ROBO1: variants seen among roughly 807,000 people sequenced by gnomAD.
ROBO1 encodes the protein roundabout guidance receptor 1, also known as roundabout homolog 1.
ROBO1 carries 149 observed loss-of-function variants against 195.9 expected under a neutral mutation model. The ratio of observed to expected loss-of-function variants is 0.76; its 90% CI spans 0.67 to 0.87. The LOEUF (loss-of-function observed/expected upper bound fraction) is 0.87. Among genes scored for constraint, ROBO1 ranks in the 40% least tolerant of loss-of-function variants. ROBO1 has a pLI of 0.00. For synonymous variants in ROBO1, 816 were observed against 733.2 expected (o/e 1.11, Z -1.82); for missense variants, 1,933 against 2,068.3 (o/e 0.93, Z 1.27).
intron 4 of ROBO1, among the ~76,000 whole-genome samples, chr3:78,827,778 G>A (rs2031766404): frequency 6.6e-6 from 1 of 152,106 alleles, no homozygotes; most frequent in Non-Finnish European, 1.5e-5. Flanking sequence ...CTCTTCCTAA[G>A]GGAACTTCAG....
chr3:79,170,446 C>G (rs1284513374), intron 2 of ROBO1, among the ~76,000 whole-genome samples: 2 of 152,142 alleles, frequency 1.3e-5, no homozygotes, highest in African/African-American at 4.8e-5. Flanking sequence ...ATCCACCAAT[C>G]TGTTCCATTA....
At chr3:78,863,247 G>C (rs1360363105) in intron 4 of ROBO1, among the ~76,000 whole-genome samples, 1 of 152,130 alleles carries the variant, frequency 6.6e-6, no homozygotes, top group Admixed American at 6.5e-5. Context: ...CTAGTGAGTG[G>C]TACAGGCCAC....
chr3:79,391,956 G>T (rs1157188079), intron 2 of ROBO1, among the ~76,000 whole-genome samples: 1 of 152,064 alleles, frequency 6.6e-6, no homozygotes, highest in Non-Finnish European at 1.5e-5. Context: ...TGAGACTTTC[G>T]AATTGGTATG....
chr3:79,109,741 G>A lies in ROBO1; in HGVS notation c.172+15715C>T, dbSNP rs974558329. Among the ~76,000 whole-genome samples, 6 of 152,128 alleles carry A rather than the reference G, an allele frequency of 3.9e-5. No homozygotes were observed. In the East Asian group the frequency reaches 1.2e-3, roughly 29 times the overall value. Reference sequence around the variant, plus strand: ...AAATTGACTAGGAGGCTACTGAGACGTCAATCTTTAAAATTGATTTTGGGG... The same window carrying A: ...AAATTGACTAGGAGGCTACTGAGACATCAATCTTTAAAATTGATTTTGGGG... On this transcript the variant is annotated intron_variant, in intron 3 of 30. Coordinates refer to ENST00000464233, the MANE Select transcript of ROBO1 (RefSeq NM_002941.4).
chr3:78,750,272 T>C (rs2082756648), intron 4 of ROBO1, among the ~76,000 whole-genome samples: 1 of 151,646 alleles, frequency 6.6e-6, no homozygotes, highest in Non-Finnish European at 1.5e-5. Flanking sequence ...GATAACAAGG[T>C]GAAACCCCGT....
chr3:78,759,286 G>A (rs1433560253), intron 4 of ROBO1: 1 of 152,188 alleles, frequency 6.6e-6, no homozygotes, highest in Non-Finnish European at 1.5e-5. Context: ...TAAAGTGGTT[G>A]GTTGCAGTTG....
intron 2 of ROBO1, among the ~76,000 whole-genome samples, chr3:79,539,043 G>A (rs1329260868): frequency 1.3e-5 from 2 of 152,086 alleles, no homozygotes; most frequent in Admixed American, 6.6e-5. Flanking sequence ...GTGATACTGA[G>A]GGGTTTGTTC....
At chr3:79,068,668 C>T (rs1447848107) in intron 3 of ROBO1, among the ~76,000 whole-genome samples, 4 of 151,776 alleles carry the variant, frequency 2.6e-5, no homozygotes, top group African/African-American at 9.7e-5. Context: ...TGTTTATTTG[C>T]ATGACTTTCT....
intron 2 of ROBO1, among the ~76,000 whole-genome samples, chr3:79,256,771 T>C (rs939547471): frequency 6.6e-6 from 1 of 152,164 alleles, no homozygotes. Context: ...TAGAGATATC[T>C]TAACTTTTAA....
chr3:79,543,877 A>G (rs1942167608), intron 2 of ROBO1, among the ~76,000 whole-genome samples: 1 of 152,096 alleles, frequency 6.6e-6, no homozygotes, highest in Non-Finnish European at 1.5e-5. Context: ...TATCCTATAC[A>G]GTTTCATCAC....
chr3:79,374,136 A>T (rs1052274314), intron 2 of ROBO1, among the ~76,000 whole-genome samples: 2 of 152,172 alleles, frequency 1.3e-5, no homozygotes, highest in Non-Finnish European at 2.9e-5. Context: ...TCAGTCATGG[A>T]ACCTCTTAAG....
At chr3:79,110,879 A>G (rs2079873524) in intron 3 of ROBO1, among the ~76,000 whole-genome samples, 1 of 151,986 alleles carries the variant, frequency 6.6e-6, no homozygotes, top group African/African-American at 2.4e-5. Flanking sequence ...TTGGCCTCCC[A>G]AGTCCTGAGA....
intron 1 of ROBO1, among the ~76,000 whole-genome samples, chr3:79,724,562 C>T (rs1174601755): frequency 6.6e-6 from 1 of 152,168 alleles, no homozygotes; most frequent in African/African-American, 2.4e-5. Flanking sequence ...TAAGATGCCA[C>T]GCTAGAGAGG....
chr3:78,751,990 A>T (rs922853634), intron 4 of ROBO1, among the ~76,000 whole-genome samples: 1 of 152,066 alleles, frequency 6.6e-6, no homozygotes, highest in Non-Finnish European at 1.5e-5. Flanking sequence ...TCTTGCAGCA[A>T]ATAGTAACCT....
At chr3:78,653,942 T>C (rs1706837517) in intron 18 of ROBO1, among the ~76,000 whole-genome samples, 1 of 152,216 alleles carries the variant, frequency 6.6e-6, no homozygotes, top group South Asian at 2.1e-4. Flanking sequence ...GACTAGAGTT[T>C]ATAGCCACTG....
At chr3:79,099,657 C>G (rs1359502179) in intron 3 of ROBO1, among the ~76,000 whole-genome samples, 1 of 151,718 alleles carries the variant, frequency 6.6e-6, no homozygotes, top group Non-Finnish European at 1.5e-5. Flanking sequence ...ATATTTCCAT[C>G]ATTTAAAAAT....
chr3:79,022,204 C>G (rs1576581159), intron 3 of ROBO1, among the ~76,000 whole-genome samples: 1 of 152,268 alleles, frequency 6.6e-6, no homozygotes, highest in Non-Finnish European at 1.5e-5. Flanking sequence ...CATCTGAGAA[C>G]TTTTGTATCT....
intron 1 of ROBO1, among the ~76,000 whole-genome samples, chr3:79,669,254 T>A (rs1946562379): frequency 1.3e-5 from 2 of 151,730 alleles, no homozygotes; most frequent in Non-Finnish European, 2.9e-5. Context: ...CCTGCTGCCA[T>A]CGATGTAAGA....
intron 3 of ROBO1, among the ~76,000 whole-genome samples, chr3:79,008,981 C>A (rs1030293595): frequency 6.6e-6 from 1 of 150,726 alleles, no homozygotes; most frequent in African/African-American, 2.4e-5. Flanking sequence ...GCTGTTGTCA[C>A]CTGAGCTGGA....
Sources: gnomAD v4.1 joint callset for allele counts (sites outside exome capture counted in the v4.1 genomes callset) on GRCh38, gnomAD v4.1.1 for gene constraint, MANE v1.5 for transcripts, NCBI Gene and HGNC (gene_info 2026-07-23, HGNC 2026-07-21) for gene names.